ACOT7: variants seen among roughly 807,000 people sequenced by gnomAD.
The protein encoded by ACOT7 is cytosolic acyl coenzyme A thioester hydrolase.
Under a neutral mutation model 40.2 loss-of-function variants are expected in ACOT7, and 12 were observed. The ratio of observed to expected loss-of-function variants is 0.30; its 90% confidence interval spans 0.19 to 0.48. The LOEUF (loss-of-function observed/expected upper bound fraction) is 0.48, where lower values mean the gene tolerates loss of function less well. Among genes scored for constraint, ACOT7 ranks in the 20% least tolerant of loss-of-function variants. The pLI is 0.99. For missense variants in ACOT7, 395 were observed against 530.8 expected, an observed-to-expected ratio of 0.74 and a Z score of 2.51; for synonymous variants, 228 against 219.5, an observed-to-expected ratio of 1.04 and a Z score of -0.34.
At chr1:6,309,955 G>A (rs1476816682) in intron 6 of ACOT7, among the ~76,000 whole-genome samples, 1 of 152,156 alleles carries the variant, frequency 6.6e-6, no homozygotes, top group Non-Finnish European at 1.5e-5. Flanking sequence ...TGTAATCCCT[G>A]CATTATCTCA....
chr1:6,264,507 G>C lies in ACOT7; in HGVS notation c.*90C>G. ...CAACACCAGCTCTCAATGTGAATTGGGTTTTTGGCCAAGGGGGGAACTTCT... is the reference window on the plus strand; with the variant it reads ...CAACACCAGCTCTCAATGTGAATTGCGTTTTTGGCCAAGGGGGGAACTTCT... On this transcript the variant is annotated 3_prime_UTR_variant, in exon 9 of 9. Transcript: ENST00000361521. 5 of 1,248,578 alleles carry C rather than the reference G, an allele frequency of 4.0e-6. No individual in the cohort carries two copies. Among genetic ancestry groups the C allele is most frequent in the Non-Finnish European group, 5.6e-6 (5 of 899,812 alleles). 77.3% of individuals were successfully genotyped at this position (1,248,578 alleles called of 1,614,324 possible).
Position 6,318,121 on chromosome 1 carries a change from T to C in ACOT7, c.712+371A>G, listed in dbSNP as rs541604628. ...CCCAGGCTGAAGTGCAGTGGCACGA[T>C]CATGGCTCACTGCAACTTCGACCTC... On this transcript the variant is annotated intron_variant, in intron 6 of 8. Transcript: ENST00000361521. Among the ~76,000 whole-genome samples the C allele has an allele frequency of 1.2e-4, 19 of 152,288 alleles. No homozygotes were observed. In the South Asian group the frequency reaches 3.9e-3, roughly 32 times the overall value.
rs1026484178 is a variant in ACOT7 at position 6,393,540 on chromosome 1, T to C, written c.-141A>G. Reference sequence around the variant, plus strand: ...GCCCCGCCTCCCAGGCCGCCAAGGCTGCAGAGAGCTCGCGCGGGCGTACGA... The same window carrying C: ...GCCCCGCCTCCCAGGCCGCCAAGGCCGCAGAGAGCTCGCGCGGGCGTACGA... On this transcript the variant is annotated 5_prime_UTR_variant, in exon 1 of 9. Coordinates refer to ENST00000361521, the MANE Select transcript of ACOT7 (RefSeq NM_007274.4). 1.4e-6 allele frequency: 1 copy of C among 721,608 alleles called. No homozygotes were observed. Among genetic ancestry groups the C allele is most frequent in the Non-Finnish European group, 1.9e-6 (1 of 534,302 alleles). 44.7% of individuals were successfully genotyped at this position (721,608 alleles called of 1,614,324 possible).
chr1:6,291,100 C>A (rs1639649907), intron 7 of ACOT7, among the ~76,000 whole-genome samples: 1 of 152,190 alleles, frequency 6.6e-6, no homozygotes, highest in Non-Finnish European at 1.5e-5. Flanking sequence ...GAGCTAGTAT[C>A]TACATGAGTT....
chr1:6,373,075 T>C (rs1642161879), intron 1 of ACOT7, among the ~76,000 whole-genome samples: 1 of 152,202 alleles, frequency 6.6e-6, no homozygotes, highest in Non-Finnish European at 1.5e-5. Flanking sequence ...TCGTGATGTC[T>C]CAAAACAATT....
At chr1:6,341,570 G>A (rs570616211) in intron 2 of ACOT7, among the ~76,000 whole-genome samples, 4 of 152,208 alleles carry the variant, frequency 2.6e-5, no homozygotes, top group South Asian at 4.1e-4. Context: ...GTGAAACCCC[G>A]TCTCTACTAA....
rs1263092663 is a variant in ACOT7, at chr1:6,288,382, C to G, written c.829+6482G>C. Among the ~76,000 whole-genome samples, 5 of 152,212 alleles carry G rather than the reference C, an allele frequency of 3.3e-5. No individual in the cohort carries two copies. Among genetic ancestry groups the G allele is most frequent in the African/African-American group, 1.2e-4 (5 of 41,448 alleles). On this transcript the variant is annotated intron_variant, in intron 7 of 8. Coordinates refer to ENST00000361521, the MANE Select transcript of ACOT7 (RefSeq NM_007274.4). This position sits in a 1 kb window ranked among gnomAD's most constrained non-coding sequence, Gnocchi z 4.3. ...TGCCTGGTGAGAGTTTAACTTGCCA[C>G]ACACCTGCTAAGGACCCCGTAGGTG...
At chr1:6,331,582 C>A (rs1640956250) in intron 4 of ACOT7, among the ~76,000 whole-genome samples, 1 of 152,218 alleles carries the variant, frequency 6.6e-6, no homozygotes, top group African/African-American at 2.4e-5. Flanking sequence ...CCCCGGGACA[C>A]TGTCAGGTGG....
At chr1:6,295,087 G>A (rs954722531) in intron 6 of ACOT7, 107 bp from the exon 7 acceptor site, 2 of 792,770 alleles carry the variant, frequency 2.5e-6, no homozygotes. Flanking sequence ...CTAGCCACCA[G>A]CAAGGGCCGC....
chr1:6,276,749 C>T (rs543059839), intron 8 of ACOT7, among the ~76,000 whole-genome samples: 72 of 152,180 alleles, frequency 4.7e-4, no homozygotes, highest in African/African-American at 1.6e-3. Flanking sequence ...AATCCCTCTC[C>T]GGGCAGCCTG....
chr1:6,347,357 G>C (rs1043313482), intron 2 of ACOT7, among the ~76,000 whole-genome samples: 2 of 152,214 alleles, frequency 1.3e-5, no homozygotes, highest in Non-Finnish European at 2.9e-5. Context: ...TCAAAGCACA[G>C]GTTCGAGGTA....
intron 8 of ACOT7, among the ~76,000 whole-genome samples, chr1:6,265,440 C>T (rs772981475): frequency 1.3e-5 from 2 of 152,232 alleles, no homozygotes; most frequent in Non-Finnish European, 2.9e-5. Context: ...TGTCACCACG[C>T]TCTGGACCGT....
At chr1:6,370,223 A>G (rs1029863618) in intron 1 of ACOT7, among the ~76,000 whole-genome samples, 3 of 152,120 alleles carry the variant, frequency 2.0e-5, no homozygotes, top group Non-Finnish European at 4.4e-5. Flanking sequence ...TGCTGTAAGT[A>G]GAAGTGGCCT....
intron 8 of ACOT7, among the ~76,000 whole-genome samples, chr1:6,277,719 T>C (rs1639237583): frequency 1.3e-5 from 2 of 152,200 alleles, no homozygotes. Flanking sequence ...AGGAACATAT[T>C]TAAAATTGTA....
intron 2 of ACOT7, among the ~76,000 whole-genome samples, chr1:6,340,127 G>A (rs559709959): frequency 6.6e-5 from 10 of 151,952 alleles, no homozygotes; most frequent in Admixed American, 4.6e-4. Context: ...CACCATGCCC[G>A]GCTAATTTTT....
intron 1 of ACOT7, among the ~76,000 whole-genome samples, chr1:6,388,726 T>G (rs1571359717): frequency 7.4e-5 from 8 of 108,398 alleles, no homozygotes; most frequent in South Asian, 6.0e-4. Flanking sequence ...GGTGACAGAG[T>G]GAGACTCTCT....
intron 3 of ACOT7, among the ~76,000 whole-genome samples, chr1:6,337,542 G>C (rs1282713892): frequency 3.3e-5 from 5 of 152,248 alleles, no homozygotes; most frequent in African/African-American, 1.2e-4. Flanking sequence ...GGAAAGGGAA[G>C]TTCAGGATCT....
In ACOT7 at chr1:6,288,981, G is replaced by C. The variant is rs997367344; in HGVS notation, c.829+5883C>G. Among the ~76,000 whole-genome samples the C allele has an allele frequency of 6.6e-6, 1 of 152,228 alleles. No individual in the cohort carries two copies. Among genetic ancestry groups the C allele is most frequent in the Non-Finnish European group, 1.5e-5 (1 of 68,052 alleles). On this transcript the variant is annotated intron_variant, in intron 7 of 8. Coordinates refer to ENST00000361521, the MANE Select transcript of ACOT7 (RefSeq NM_007274.4). The surrounding 1 kb of genome is among the most constrained non-coding windows in gnomAD (Gnocchi z 4.3). ...ATCGCATAAAAGGTCACTCTCCCAA[G>C]GAGGCAGTTTTACGGGAGGCTGAAG...
At position 6,289,592 on chromosome 1, in the gene ACOT7, T is replaced by C. The variant is rs1478956835; in HGVS notation, c.829+5272A>G. 6.6e-6 allele frequency among the ~76,000 whole-genome samples: 1 copy of C among 152,176 alleles called. No individual in the cohort carries two copies. Among genetic ancestry groups the C allele is most frequent in the Non-Finnish European group, 1.5e-5 (1 of 68,020 alleles). ...CCTCACCATGTTGCCCAGGCTGGTCTCAAACTCCAGGGCTCAAGTGATCTT... is the reference window on the plus strand; with the variant it reads ...CCTCACCATGTTGCCCAGGCTGGTCCCAAACTCCAGGGCTCAAGTGATCTT... On this transcript the variant is annotated intron_variant, in intron 7 of 8. Coordinates refer to ENST00000361521, the MANE Select transcript of ACOT7 (RefSeq NM_007274.4). The surrounding 1 kb of genome is among the most constrained non-coding windows in gnomAD (Gnocchi z 4.6).
Sources: allele counts gnomAD v4.1 joint callset (sites outside exome capture counted in the v4.1 genomes callset), GRCh38; gene constraint gnomAD v4.1.1; non-coding constraint Gnocchi (gnomAD v3.1); transcripts MANE v1.5; gene names NCBI Gene and HGNC (gene_info 2026-07-23, HGNC 2026-07-21).